MAST2: variants seen among roughly 807,000 people sequenced by gnomAD.
MAST2 encodes microtubule associated serine/threonine kinase 2.
Under a neutral mutation model 147.4 loss-of-function variants are expected in MAST2, and 70 were observed. That is an observed-to-expected ratio of 0.47 (90% CI 0.39 to 0.58). The LOEUF (loss-of-function observed/expected upper bound fraction) is 0.58, where lower values mean the gene tolerates loss of function less well. Among genes scored for constraint, MAST2 ranks in the 20% least tolerant of loss-of-function variants. The probability of loss-of-function intolerance (pLI) is 0.00; values close to 1 mark genes in which losing one functional copy is unlikely to be tolerated. For missense variants in MAST2, 2,080 were observed against 2,302.3 expected (o/e 0.90, Z 1.98); for synonymous variants, 869 against 896.8 (o/e 0.97, Z 0.55).
intron 2 of MAST2, among the ~76,000 whole-genome samples, chr1:45,827,348 G>A (rs1002157194): frequency 2.0e-5 from 3 of 151,994 alleles, no homozygotes; most frequent in African/African-American, 4.8e-5. Context: ...TGTTCCTTCC[G>A]TTTTATTTAT....
chr1:46,034,978 C>T lies in MAST2; in HGVS notation c.4309C>T (p.Leu1437=). The change falls in exon 29 of 29, where the codon CTA becomes TTA. Residue 1437 remains leucine (L), a synonymous_variant. Transcript: ENST00000361297. ...CAGCCTTGACCTGCCCCACTCTGAA[C>T]TAAAGAAGGAACTGCCGCCCAGGGA... ...KHSLDLPHSE[L]KKELPPREVS... 6.2e-7 allele frequency: 1 copy of T among 1,614,096 alleles called. No homozygotes were observed. Among genetic ancestry groups the T allele is most frequent in the South Asian group, 1.1e-5 (1 of 91,084 alleles).
At chr1:45,917,478 C>G (rs1652739455) in intron 4 of MAST2, 1 of 1,366,460 alleles carries the variant, frequency 7.3e-7, no homozygotes. Flanking sequence ...TTTCCTGAAC[C>G]CACGAGCCCA....
intron 5 of MAST2, among the ~76,000 whole-genome samples, chr1:45,989,750 A>G (rs1328003407): frequency 1.9e-5 from 1 of 52,602 alleles, no homozygotes; most frequent in African/African-American, 1.2e-4. Context: ...GTCCCTCATC[A>G]TTTCCCGCTG....
chr1:45,965,865 G>C (rs1431643002), intron 5 of MAST2, among the ~76,000 whole-genome samples: 17 of 151,976 alleles, frequency 1.1e-4, no homozygotes, highest in Non-Finnish European at 1.5e-5. Context: ...ATTTGTTACA[G>C]TTGATGAGCC....
intron 5 of MAST2, among the ~76,000 whole-genome samples, chr1:45,986,091 C>T (rs1034395867): frequency 6.6e-6 from 1 of 152,092 alleles, no homozygotes; most frequent in African/African-American, 2.4e-5. Context: ...AAATGGTAAT[C>T]GTAGATATTC....
chr1:45,980,125 A>G lies in MAST2; in HGVS notation c.593-17599A>G, dbSNP rs867976544. Among the ~76,000 whole-genome samples the G allele has an allele frequency of 4.1e-4, 62 of 152,144 alleles. No individual in the cohort carries two copies. In the Middle Eastern group the frequency reaches 0.024, roughly 58 times the overall value. Reference sequence around the variant, plus strand: ...CCTGGAGAAAACTCATCTCTACTAAAAATACAAAAATTAGCCTGGTGTCAT... The same window carrying G: ...CCTGGAGAAAACTCATCTCTACTAAGAATACAAAAATTAGCCTGGTGTCAT... On this transcript the variant is annotated intron_variant, in intron 5 of 28. Coordinates refer to ENST00000361297, the MANE Select transcript of MAST2 (RefSeq NM_015112.3).
chr1:45,937,217 T>C (rs1656335483), intron 4 of MAST2, among the ~76,000 whole-genome samples: 1 of 138,494 alleles, frequency 7.2e-6, no homozygotes, highest in South Asian at 2.6e-4. Flanking sequence ...ACTAAAGGCA[T>C]GCACCACCAT....
chr1:45,895,212 C>T (rs1648533033), intron 4 of MAST2, among the ~76,000 whole-genome samples: 1 of 152,008 alleles, frequency 6.6e-6, no homozygotes, highest in Non-Finnish European at 1.5e-5. Flanking sequence ...TCAGTGTTTC[C>T]TTTTGTGACT....
intron 3 of MAST2, among the ~76,000 whole-genome samples, chr1:45,857,013 A>G (rs1645811794): frequency 2.0e-5 from 3 of 152,194 alleles, no homozygotes. Context: ...TCAAATTTGC[A>G]TGAAAATATT....
At chr1:45,926,687 A>G (rs758322696) in intron 4 of MAST2, among the ~76,000 whole-genome samples, 34 of 152,178 alleles carry the variant, frequency 2.2e-4, no homozygotes, top group Non-Finnish European at 4.3e-4. Context: ...GGGAAAGCGC[A>G]TCTTGAGAGT....
intron 3 of MAST2, among the ~76,000 whole-genome samples, chr1:45,848,914 C>G (rs1017154104): frequency 2.1e-4 from 32 of 152,006 alleles, no homozygotes; most frequent in Admixed American, 9.8e-4. Context: ...TACAAAAAAC[C>G]ACTAGCATTC....
intron 10 of MAST2, among the ~76,000 whole-genome samples, chr1:46,015,236 A>G (rs899777636): frequency 6.6e-6 from 1 of 152,090 alleles, no homozygotes; most frequent in African/African-American, 2.4e-5. Context: ...AAGATCCAAA[A>G]TTGACACCCT....
Position 45,804,054 on chromosome 1 carries a change from G to T in MAST2, c.159G>T (p.Gly53=), listed in dbSNP as rs747051023. The change falls in exon 1 of 29, where the codon GGG becomes GGT. Residue 53 remains glycine (G), a synonymous_variant. Coordinates refer to ENST00000361297, the MANE Select transcript of MAST2 (RefSeq NM_015112.3). ...QRLEERTGPA[G]PEGKEQDVVT... ...TGGAGGAGCGGACGGGCCCCGCGGGGCCCGAGGGCAAGGAGCAGGTAGGGC... is the reference window on the plus strand; with the variant it reads ...TGGAGGAGCGGACGGGCCCCGCGGGTCCCGAGGGCAAGGAGCAGGTAGGGC... 1.3e-5 allele frequency: 16 copies of T among 1,275,758 alleles called. No individual in the cohort carries two copies. The African/African-American group carries it at 2.5e-4, about 20-fold the overall frequency. 79.0% of individuals were successfully genotyped at this position (1,275,758 alleles called of 1,614,324 possible).
intron 3 of MAST2, among the ~76,000 whole-genome samples, chr1:45,875,637 G>A (rs1570482726): frequency 6.6e-6 from 1 of 152,184 alleles, no homozygotes; most frequent in African/African-American, 2.4e-5. Flanking sequence ...GGAAGTAGAA[G>A]TGAATTGACA....
intron 2 of MAST2, among the ~76,000 whole-genome samples, chr1:45,826,950 T>C (rs1644811568): frequency 6.6e-6 from 1 of 152,040 alleles, no homozygotes; most frequent in Admixed American, 6.6e-5. Flanking sequence ...TGCCTCAGCC[T>C]CCCAAGTAGC....
intron 5 of MAST2, among the ~76,000 whole-genome samples, chr1:45,977,210 C>T (rs868319440): frequency 5.9e-5 from 9 of 152,300 alleles, no homozygotes; most frequent in Middle Eastern, 3.4e-3. Context: ...AGAATTTCAC[C>T]GGGCACGTGG....
chr1:46,017,325 G>A (rs1217640381), intron 10 of MAST2, among the ~76,000 whole-genome samples: 1 of 152,194 alleles, frequency 6.6e-6, no homozygotes, highest in African/African-American at 2.4e-5. Context: ...ATTGACAAAT[G>A]GGATCTAATT....
chr1:45,834,820 G>A (rs1442497954), intron 3 of MAST2, among the ~76,000 whole-genome samples: 1 of 151,976 alleles, frequency 6.6e-6, no homozygotes, highest in Non-Finnish European at 1.5e-5. Context: ...CTGCAGTTTT[G>A]ATCTTTGCCT....
chr1:46,002,631 A>G (rs746284438), intron 6 of MAST2, among the ~76,000 whole-genome samples, 174 bp from the exon 7 acceptor site: 2 of 152,196 alleles, frequency 1.3e-5, no homozygotes, highest in South Asian at 2.1e-4. Context: ...GAAAACAACA[A>G]TAAGCCCTCT....
Sources: gnomAD v4.1 joint callset for allele counts (sites outside exome capture counted in the v4.1 genomes callset) on GRCh38, gnomAD v4.1.1 for gene constraint, MANE v1.5 for transcripts, NCBI Gene and HGNC (gene_info 2026-07-23, HGNC 2026-07-21) for gene names.